TADA2A: variants seen among roughly 807,000 people sequenced by gnomAD.
TADA2A encodes transcriptional adaptor 2A.
TADA2A carries 38 observed loss-of-function variants against 67.4 expected under a neutral mutation model. The observed-to-expected ratio is 0.56, with a 90% CI of 0.44 to 0.74. TADA2A has a LOEUF of 0.74. TADA2A is among the 30% of genes least tolerant of loss of function. The pLI is 0.00. For synonymous variants in TADA2A, 192 were observed against 181.6 expected (o/e 1.06, Z -0.46); for missense variants, 454 against 547.0 (o/e 0.83, Z 1.70).
intron 15 of TADA2A, among the ~76,000 whole-genome samples, chr17:37,476,470 A>C (rs2053894343): frequency 6.6e-6 from 1 of 152,148 alleles, no homozygotes; most frequent in South Asian, 2.1e-4. Context: ...GTACCTGGGC[A>C]TTTAGTGTTT....
intron 4 of TADA2A, among the ~76,000 whole-genome samples, chr17:37,429,745 C>T (rs1431826573): frequency 1.3e-5 from 2 of 152,178 alleles, no homozygotes; most frequent in Non-Finnish European, 2.9e-5. Context: ...GATTCTAGGC[C>T]ACAATGAATT....
intron 11 of TADA2A, among the ~76,000 whole-genome samples, chr17:37,467,109 GATC>G (rs1416298033): frequency 1.3e-5 from 2 of 152,036 alleles, no homozygotes; most frequent in Non-Finnish European, 2.9e-5. Flanking sequence ...AGTGAGCCGA[GATC>G]ATGCCATTGC....
chr17:37,444,910 A>AC (rs1214426029), intron 8 of TADA2A, 142 bp downstream of exon 8: 2 of 768,898 alleles, frequency 2.6e-6, no homozygotes, highest in Non-Finnish European at 2.1e-6. Flanking sequence ...TGCTGAACTT[A>AC]CTGTGTTGTT....
chr17:37,474,507 A>T, intron 14 of TADA2A, 49 bp from the exon 15 acceptor site: 2 of 1,581,312 alleles, frequency 1.3e-6, no homozygotes, highest in Non-Finnish European at 1.7e-6. Flanking sequence ...TACACCTGAG[A>T]AATTGTCACT....
Position 37,468,081 on chromosome 17 carries a change from C to CA in TADA2A, c.895+570dup, listed in dbSNP as rs5820219. Among the ~76,000 whole-genome samples the CA allele has an allele frequency of 9.8e-3, 1,295 of 131,504 alleles. 20 individuals are homozygous for CA. The highest frequency in any genetic ancestry group is 0.033 in the African/African-American group (1,155 of 35,256). 86.3% of individuals were successfully genotyped at this position (131,504 alleles called of 152,430 possible). On this transcript the variant is annotated intron_variant, in intron 12 of 15. Transcript: ENST00000615182. Reference sequence around the variant, plus strand: ...TGGGTGGCAGAGGGAGATTCTGTTTCAAAAAAAAAAAAAAGGAATTTTATA... The same window carrying CA: ...TGGGTGGCAGAGGGAGATTCTGTTTCAAAAAAAAAAAAAAAGGAATTTTATA...
intron 1 of TADA2A, among the ~76,000 whole-genome samples, chr17:37,409,125 G>A (rs1018158887): frequency 4.6e-5 from 7 of 152,004 alleles, no homozygotes; most frequent in African/African-American, 1.7e-4. Context: ...TTGCACTGTC[G>A]CCCAGGCTGG....
intron 8 of TADA2A, among the ~76,000 whole-genome samples, chr17:37,457,204 G>A (rs923989340): frequency 3.9e-5 from 5 of 127,784 alleles, no homozygotes; most frequent in African/African-American, 6.0e-5. Flanking sequence ...TTTTTGAGAC[G>A]GAGTCTTGCA....
At chr17:37,427,506 A>G (rs548064575) in intron 4 of TADA2A, among the ~76,000 whole-genome samples, 1 of 152,334 alleles carries the variant, frequency 6.6e-6, no homozygotes, top group Non-Finnish European at 1.5e-5. Flanking sequence ...AAATCACTGA[A>G]GAGGCAGACT....
Position 37,477,465 on chromosome 17 carries a change from CT to C in TADA2A, c.*500del, listed in dbSNP as rs60104676. ...GTTGAAGGATTTTTTAAGCTGACAACTTTTTTTTTTTTTTTTTGAGACAGAG... is the reference window on the plus strand; with the variant it reads ...GTTGAAGGATTTTTTAAGCTGACAACTTTTTTTTTTTTTTTTGAGACAGAG... On this transcript the variant is annotated 3_prime_UTR_variant, in exon 16 of 16. Transcript: ENST00000615182. 3.4e-3 allele frequency: 485 copies of C among 140,824 alleles called. No individual in the cohort carries two copies. The highest frequency in any genetic ancestry group is 0.011 in the Middle Eastern group (3 of 274). The allele number at this position is 140,824 out of a possible 1,614,324, so 8.7% of individuals were successfully genotyped here. A position where few individuals can be genotyped will look rare whatever the true frequency, so the allele number is the denominator to read the frequency against.
At chr17:37,407,397 C>T (rs2051612499) in intron 1 of TADA2A, 1 of 152,312 alleles carries the variant, frequency 6.6e-6, no homozygotes, top group Non-Finnish European at 1.5e-5. Context: ...GGTCCCACCC[C>T]GTAAGGATTT....
At chr17:37,456,398 C>T (rs1362393914) in intron 8 of TADA2A, among the ~76,000 whole-genome samples, 3 of 152,022 alleles carry the variant, frequency 2.0e-5, no homozygotes, top group Non-Finnish European at 2.9e-5. Flanking sequence ...AGAATGGAGT[C>T]GATAAGTGAG....
intron 2 of TADA2A, among the ~76,000 whole-genome samples, chr17:37,413,548 AT>A (rs60652406): frequency 0.23 from 34,599 of 151,034 alleles, 4,143 homozygotes; most frequent in Middle Eastern, 0.35. Flanking sequence ...TTATTTTTTA[AT>A]TTTTTTTATT....
chr17:37,453,371 T>A (rs1363506620), intron 8 of TADA2A, among the ~76,000 whole-genome samples: 1 of 152,168 alleles, frequency 6.6e-6, no homozygotes, highest in Non-Finnish European at 1.5e-5. Flanking sequence ...GCCATCGTAT[T>A]CTGTTCTTTT....
chr17:37,458,505 T>A lies in TADA2A; in HGVS notation c.605-19T>A. ...ATATATGATATGTATATATAGTATATGTATGAATTTATTTGTAGCTCTGAA... is the reference window on the plus strand; with the variant it reads ...ATATATGATATGTATATATAGTATAAGTATGAATTTATTTGTAGCTCTGAA... On this transcript the variant is annotated intron_variant, in intron 8 of 15. Coordinates refer to ENST00000615182, the MANE Select transcript of TADA2A (RefSeq NM_001166105.3). 6.3e-7 allele frequency: 1 copy of A among 1,580,000 alleles called. No homozygotes were observed. The highest frequency in any genetic ancestry group is 8.7e-7 in the Non-Finnish European group (1 of 1,151,766).
intron 8 of TADA2A, among the ~76,000 whole-genome samples, chr17:37,457,448 T>C (rs935388967): frequency 2.0e-5 from 3 of 151,164 alleles, no homozygotes; most frequent in African/African-American, 4.9e-5. Context: ...TACAAAGTGC[T>C]GGGATTACAG....
In TADA2A at chr17:37,475,575, C is replaced by T. The variant is rs564838794; in HGVS notation, c.1146+946C>T. Among the ~76,000 whole-genome samples the T allele has an allele frequency of 4.6e-5, 7 of 152,174 alleles. No individual in the cohort carries two copies. In the East Asian group the frequency reaches 1.2e-3, roughly 25 times the overall value. Reference sequence around the variant, plus strand: ...GCAACCTCTGCCTCCCGGGTTCAAACGATTCTCCTGCCCCTGAGTAGCTGG... The same window carrying T: ...GCAACCTCTGCCTCCCGGGTTCAAATGATTCTCCTGCCCCTGAGTAGCTGG... On this transcript the variant is annotated intron_variant, in intron 15 of 15. Transcript: ENST00000615182.
rs767245836 is a variant in TADA2A at position 37,465,355 on chromosome 17, T to A, written c.713-76T>A. On this transcript the variant is annotated intron_variant, in intron 10 of 15. Transcript: ENST00000615182. ...TAATGTTCTTCCATTTTACTAATTG[T>A]AAAAAAAAAAAAATGCTGAAAACTC... 2.5e-4 allele frequency: 248 copies of A among 991,804 alleles called. 2 individuals are homozygous for A. Among genetic ancestry groups the A allele is most frequent in the Admixed American group, 1.7e-3 (62 of 35,706 alleles). The allele number at this position is 991,804 out of a possible 1,614,324, so 61.4% of individuals were successfully genotyped here.
At chr17:37,445,672 T>TA (rs1283434914) in intron 8 of TADA2A, among the ~76,000 whole-genome samples, 2 of 152,118 alleles carry the variant, frequency 1.3e-5, no homozygotes, top group African/African-American at 2.4e-5. Flanking sequence ...AGTAGATAGT[T>TA]AGACTTTGAG....
Position 37,440,558 on chromosome 17 carries a change from A to G in TADA2A, c.338A>G (p.His113Arg). The change falls in exon 6 of 16, where the codon CAC becomes CGC. Residue 113 changes from histidine (H) to arginine (R), a missense_variant. Transcript: ENST00000615182. Reference protein sequence around the residue: ...CTKTKEECEKHYMKHFINNPL... With the variant: ...CTKTKEECEKRYMKHFINNPL... ...AAGACCAAGGAGGAGTGTGAGAAGC[A>G]CTATATGAAGCATTTCATCAATAAC... 6.2e-7 allele frequency: 1 copy of G among 1,614,120 alleles called. No individual in the cohort carries two copies. The highest frequency in any genetic ancestry group is 1.3e-5 in the African/African-American group (1 of 75,024).
Sources: gnomAD v4.1 joint callset for allele counts (sites outside exome capture counted in the v4.1 genomes callset) on GRCh38, gnomAD v4.1.1 for gene constraint, MANE v1.5 for transcripts, NCBI Gene and HGNC (gene_info 2026-07-23, HGNC 2026-07-21) for gene names.